NPAS2: variants seen among roughly 807,000 people sequenced by gnomAD.
NPAS2 encodes the protein neuronal PAS domain-containing protein 2.
A neutral mutation model predicts 107.5 loss-of-function variants in NPAS2; 23 were observed. The ratio of observed to expected loss-of-function variants is 0.21; its 90% CI spans 0.15 to 0.30. NPAS2 has a LOEUF of 0.30. Among genes scored for constraint, NPAS2 ranks in the 10% least tolerant of loss-of-function variants. NPAS2 has a pLI of 1.00. For synonymous variants in NPAS2, 403 were observed against 417.5 expected (o/e 0.97, Z 0.42); for missense variants, 756 against 1,043.3 (o/e 0.72, Z 3.79).
chr2:100,952,691 A>G (rs548637553), intron 7 of NPAS2, among the ~76,000 whole-genome samples: 88 of 152,208 alleles, frequency 5.8e-4, no homozygotes, highest in African/African-American at 2.0e-3. Flanking sequence ...CCTTTGAAGC[A>G]TCCTGTCATT....
chr2:100,946,773 C>T (rs1674921829), intron 5 of NPAS2, among the ~76,000 whole-genome samples: 2 of 151,942 alleles, frequency 1.3e-5, no homozygotes, highest in South Asian at 4.2e-4. Flanking sequence ...GGGGTCTGGA[C>T]TAGGGTGGAA....
chr2:100,950,318 G>A (rs1244289877), intron 7 of NPAS2, among the ~76,000 whole-genome samples: 1 of 152,170 alleles, frequency 6.6e-6, no homozygotes, highest in Non-Finnish European at 1.5e-5. Context: ...GACAGGGAAT[G>A]GGGGAAAAAA....
chr2:100,970,050 A>C lies in NPAS2; in HGVS notation c.1056-940A>C, dbSNP rs559656121. ...GAGGGGAGAAACACTAGTTTTCAGCAGCAAATGACCCTGATTCTACTTGAC... is the reference window on the plus strand; with the variant it reads ...GAGGGGAGAAACACTAGTTTTCAGCCGCAAATGACCCTGATTCTACTTGAC... On this transcript the variant is annotated intron_variant, in intron 11 of 20. Transcript: ENST00000335681. Among the ~76,000 whole-genome samples the C allele has an allele frequency of 2.3e-4, 35 of 152,336 alleles. No individual in the cohort carries two copies. In the South Asian group the frequency reaches 6.2e-3, roughly 27 times the overall value.
intron 10 of NPAS2, among the ~76,000 whole-genome samples, chr2:100,967,998 T>G (rs965116272): frequency 2.6e-5 from 4 of 152,216 alleles, no homozygotes; most frequent in African/African-American, 9.6e-5. Flanking sequence ...CTCTGTTTCA[T>G]TAAACCTGCA....
At chr2:100,951,682 G>T (rs1204982297) in intron 7 of NPAS2, among the ~76,000 whole-genome samples, 1 of 152,126 alleles carries the variant, frequency 6.6e-6, no homozygotes, top group African/African-American at 2.4e-5. Flanking sequence ...GGAGGGAGGG[G>T]GAAATGGGAG....
intron 2 of NPAS2, among the ~76,000 whole-genome samples, chr2:100,907,734 A>G (rs1682258365): frequency 6.6e-6 from 1 of 152,138 alleles, no homozygotes; most frequent in Non-Finnish European, 1.5e-5. Flanking sequence ...TAGGGAATTC[A>G]TGGTGTATTT....
intron 10 of NPAS2, among the ~76,000 whole-genome samples, chr2:100,967,039 C>G (rs1283849340): frequency 6.6e-6 from 1 of 151,656 alleles, no homozygotes; most frequent in African/African-American, 2.4e-5. Context: ...ATAGGCATCA[C>G]GGGAAGTTTG....
At chr2:100,992,497 T>C (rs1226985047) in intron 19 of NPAS2, among the ~76,000 whole-genome samples, 1 of 150,778 alleles carries the variant, frequency 6.6e-6, no homozygotes, top group African/African-American at 2.4e-5. Flanking sequence ...TCCCCCTTGC[T>C]ATTCTTGTGA....
At chr2:100,874,080 G>C (rs991367445) in intron 1 of NPAS2, among the ~76,000 whole-genome samples, 2 of 151,700 alleles carry the variant, frequency 1.3e-5, no homozygotes, top group African/African-American at 4.8e-5. Flanking sequence ...ACCTGGGTTC[G>C]AGCCTTCTGT....
At chr2:100,831,509 A>G (rs1350304769) in intron 1 of NPAS2, among the ~76,000 whole-genome samples, 2 of 152,154 alleles carry the variant, frequency 1.3e-5, no homozygotes, top group Non-Finnish European at 2.9e-5. Context: ...TGTGTCAGCT[A>G]GAACCTTGCT....
intron 19 of NPAS2, among the ~76,000 whole-genome samples, chr2:100,992,486 T>A (rs1678192332): frequency 6.6e-6 from 1 of 151,976 alleles, no homozygotes; most frequent in Non-Finnish European, 1.5e-5. Flanking sequence ...GGGTGGGGAC[T>A]TCCCCCTTGC....
chr2:100,841,160 C>T (rs893635607), intron 1 of NPAS2, among the ~76,000 whole-genome samples: 1 of 152,134 alleles, frequency 6.6e-6, no homozygotes, highest in African/African-American at 2.4e-5. Context: ...CTAGACTGGG[C>T]GCGACAGCTC....
chr2:100,969,288 A>G (rs1258933857), intron 11 of NPAS2, among the ~76,000 whole-genome samples: 2 of 151,904 alleles, frequency 1.3e-5, no homozygotes, highest in African/African-American at 2.4e-5. Context: ...CTATCAACCC[A>G]TCATTTAGGC....
intron 7 of NPAS2, among the ~76,000 whole-genome samples, chr2:100,963,725 A>G (rs1336932551): frequency 6.6e-6 from 1 of 152,094 alleles, no homozygotes; most frequent in East Asian, 1.9e-4. Context: ...CTGTGTTCTC[A>G]TTTTGTAGAC....
intron 1 of NPAS2, among the ~76,000 whole-genome samples, chr2:100,850,939 G>A (rs1305355925): frequency 1.0e-5 from 1 of 98,914 alleles, no homozygotes; most frequent in African/African-American, 4.3e-5. Flanking sequence ...GGCAACAAGA[G>A]TGAAACTCTG....
intron 1 of NPAS2, among the ~76,000 whole-genome samples, chr2:100,903,618 T>A (rs1681936888): frequency 6.6e-6 from 1 of 152,152 alleles, no homozygotes; most frequent in Non-Finnish European, 1.5e-5. Context: ...GGTTTGGGAG[T>A]TCCGACTGAA....
chr2:100,879,392 C>T (rs978532061), intron 1 of NPAS2, among the ~76,000 whole-genome samples: 4 of 152,094 alleles, frequency 2.6e-5, no homozygotes, highest in Non-Finnish European at 5.9e-5. Flanking sequence ...GTTCCTAATG[C>T]ACTACAATGT....
chr2:100,835,957 G>A (rs755854337), intron 1 of NPAS2, among the ~76,000 whole-genome samples: 3 of 152,170 alleles, frequency 2.0e-5, no homozygotes, highest in Non-Finnish European at 4.4e-5. Context: ...TTGAGTAACA[G>A]GGTTTTCTAA....
At position 100,996,619 on chromosome 2, in the gene NPAS2, G is replaced by C. The variant is rs575532118; in HGVS notation, c.*1037G>C. 3.9e-5 allele frequency: 6 copies of C among 152,746 alleles called. No homozygotes were observed. Among genetic ancestry groups the C allele is most frequent in the African/African-American group, 1.2e-4 (5 of 41,572 alleles). 9.5% of individuals were successfully genotyped at this position (152,746 alleles called of 1,614,324 possible). A position where few individuals can be genotyped will look rare whatever the true frequency, so the allele number is the denominator to read the frequency against. On this transcript the variant is annotated 3_prime_UTR_variant, in exon 21 of 21. Coordinates refer to ENST00000335681, the MANE Select transcript of NPAS2 (RefSeq NM_002518.4). The stretch of plus-strand genomic sequence containing the variant: ...TATGTTGAGATGTTTCTAAAGAAAA[G>C]ATTTTATGTAATTATAAGATGAAGC...
Sources: allele counts gnomAD v4.1 joint callset (sites outside exome capture counted in the v4.1 genomes callset), GRCh38; gene constraint gnomAD v4.1.1; transcripts MANE v1.5; gene names NCBI Gene and HGNC (gene_info 2026-07-23, HGNC 2026-07-21).